The following MCTP2 variants were observed in gnomAD, a reference collection of about 807,000 sequenced individuals.
MCTP2 encodes multiple C2 and transmembrane domain containing 2.
MCTP2 carries 132 observed loss-of-function variants against 111.6 expected under a neutral mutation model. The ratio of observed to expected loss-of-function variants is 1.18; its 90% CI spans 1.03 to 1.37. The LOEUF is 1.37. Ranked by LOEUF, MCTP2 falls within the 40% of genes most tolerant of loss-of-function variation. The pLI is 0.00. For missense variants in MCTP2, 1,183 were observed against 1,067.9 expected (o/e 1.11, Z -1.50); for synonymous variants, 395 against 387.7 (o/e 1.02, Z -0.22).
At chr15:94,287,490 T>C (rs538259069) in intron 1 of MCTP2, among the ~76,000 whole-genome samples, 51 of 152,316 alleles carry the variant, frequency 3.3e-4, no homozygotes, top group African/African-American at 1.2e-3. Context: ...TGTTTATATG[T>C]TTATAATTTT....
intron 4 of MCTP2, among the ~76,000 whole-genome samples, chr15:94,320,433 G>A (rs1011412878): frequency 8.5e-5 from 13 of 152,248 alleles, no homozygotes; most frequent in African/African-American, 1.2e-4. Context: ...GAGCCACTGC[G>A]CCTGGCCCTA....
At chr15:94,432,256 T>C (rs1016208283) in intron 17 of MCTP2, among the ~76,000 whole-genome samples, 2 of 152,166 alleles carry the variant, frequency 1.3e-5, no homozygotes, top group Non-Finnish European at 2.9e-5. Context: ...GGTGTAGGAA[T>C]GGGTAACACA....
chr15:94,355,910 GT>G (rs2078594881), intron 8 of MCTP2: 1 of 1,097,886 alleles, frequency 9.1e-7, no homozygotes, highest in African/African-American at 1.7e-5. Flanking sequence ...AAGTCAAAGT[GT>G]TGCATATACT....
At position 94,298,206 on chromosome 15, in the gene MCTP2, A is replaced by G; in HGVS notation, c.-60A>G. On this transcript the variant is annotated 5_prime_UTR_variant, in exon 2 of 23. Transcript: ENST00000357742. ...TGTTTTTTTCTGTTTTATAGGAGTC[A>G]TTGCAGTTTTCAGTAGAGGTGTACT... The G allele has an allele frequency of 7.9e-7, 1 of 1,262,314 alleles. No individual in the cohort carries two copies. The highest frequency in any genetic ancestry group is 1.1e-6 in the Non-Finnish European group (1 of 929,346). The allele number at this position is 1,262,314 out of a possible 1,614,324, so 78.2% of individuals were successfully genotyped here.
intron 1 of MCTP2, among the ~76,000 whole-genome samples, chr15:94,245,677 T>C (rs981661132): frequency 2.0e-5 from 3 of 146,816 alleles, no homozygotes; most frequent in African/African-American, 7.5e-5. Context: ...TATATACATA[T>C]GTATGTGTAT....
At chr15:94,417,835 A>C (rs1259810229) in intron 17 of MCTP2, among the ~76,000 whole-genome samples, 2 of 152,134 alleles carry the variant, frequency 1.3e-5, no homozygotes, top group African/African-American at 4.8e-5. Context: ...AGCATCACTC[A>C]CTAATCACTA....
chr15:94,243,170 C>T lies in MCTP2; in HGVS notation c.-66+11506C>T, dbSNP rs369169424. 1.9e-3 allele frequency among the ~76,000 whole-genome samples: 244 copies of T among 125,668 alleles called. 10 individuals are homozygous for T. Among genetic ancestry groups the T allele is most frequent in the Middle Eastern group, 5.0e-3 (1 of 202 alleles). The allele number at this position is 125,668 out of a possible 152,430, so 82.4% of individuals were successfully genotyped here. On this transcript the variant is annotated intron_variant, in intron 1 of 22. Coordinates refer to ENST00000357742, the MANE Select transcript of MCTP2 (RefSeq NM_001385001.1). ...TTATATACGTGTGTGTATATACATACGTACGTATGTACGTATGCGTATATA... is the reference window on the plus strand; with the variant it reads ...TTATATACGTGTGTGTATATACATATGTACGTATGTACGTATGCGTATATA...
intron 1 of MCTP2, among the ~76,000 whole-genome samples, chr15:94,258,717 T>C (rs1208814002): frequency 2.6e-5 from 4 of 152,226 alleles, no homozygotes; most frequent in Non-Finnish European, 5.9e-5. Flanking sequence ...CATTACCTGA[T>C]TCTTCTTTCT....
chr15:94,455,760 AGTCAATTAAGGT>A (rs2084794081), intron 19 of MCTP2, among the ~76,000 whole-genome samples: 1 of 152,176 alleles, frequency 6.6e-6, no homozygotes, highest in African/African-American at 2.4e-5. Flanking sequence ...TCTACAGTGG[AGTCAATTAAGGT>A]GTCAATTTAA....
intron 1 of MCTP2, among the ~76,000 whole-genome samples, chr15:94,269,430 A>C (rs988483483): frequency 1.3e-5 from 2 of 152,368 alleles, no homozygotes; most frequent in East Asian, 3.9e-4. Flanking sequence ...TTTTAGACAG[A>C]TAATAGAGTA....
chr15:94,477,412 G>A (rs1470186775), intron 22 of MCTP2, among the ~76,000 whole-genome samples: 1 of 152,178 alleles, frequency 6.6e-6, no homozygotes, highest in Non-Finnish European at 1.5e-5. Context: ...GATACACAGA[G>A]ATTAACGAAG....
chr15:94,300,104 T>A (rs1000684681), intron 2 of MCTP2, among the ~76,000 whole-genome samples: 1 of 151,900 alleles, frequency 6.6e-6, no homozygotes, highest in Non-Finnish European at 1.5e-5. Flanking sequence ...ATCTTCGTCT[T>A]TTTTTTTCCT....
intron 8 of MCTP2, among the ~76,000 whole-genome samples, chr15:94,347,261 G>C (rs1030030925): frequency 1.3e-5 from 2 of 151,664 alleles, no homozygotes; most frequent in Non-Finnish European, 2.9e-5. Flanking sequence ...CCTATTTTTT[G>C]GTATTTTTAA....
At chr15:94,462,254 A>T (rs769353457) in intron 20 of MCTP2, among the ~76,000 whole-genome samples, 8 of 152,208 alleles carry the variant, frequency 5.3e-5, no homozygotes, top group Non-Finnish European at 8.8e-5. Context: ...TTAGAAAACG[A>T]TGTTCTTCCA....
rs1288643645 is a variant in MCTP2 at position 94,298,731 on chromosome 15, G to A, written c.465+1G>A. The A allele has an allele frequency of 2.0e-5, 31 of 1,589,444 alleles. No individual in the cohort carries two copies. Among genetic ancestry groups the A allele is most frequent in the Middle Eastern group, 1.7e-4 (1 of 5,928 alleles). On this transcript the variant is annotated splice_donor_variant, in intron 2 of 22. Coordinates refer to ENST00000357742, the MANE Select transcript of MCTP2 (RefSeq NM_001385001.1). LOFTEE classifies it high-confidence loss of function. ...AGGGGATGCACCAGAAGAGCCAGAG[G>A]TGAGAATAGGGCTGGGCTCTCTTTT...
At chr15:94,325,102 G>A (rs578101794) in intron 4 of MCTP2, among the ~76,000 whole-genome samples, 1 of 152,248 alleles carries the variant, frequency 6.6e-6, no homozygotes, top group South Asian at 2.1e-4. Flanking sequence ...GTGTCATGAT[G>A]TGACGTGCTG....
intron 17 of MCTP2, among the ~76,000 whole-genome samples, chr15:94,422,413 A>G (rs1407740532): frequency 6.6e-6 from 1 of 152,208 alleles, no homozygotes; most frequent in African/African-American, 2.4e-5. Context: ...TCAAACTTCA[A>G]GCTACATTTT....
intron 1 of MCTP2, among the ~76,000 whole-genome samples, chr15:94,297,621 C>T (rs145099827): frequency 2.6e-4 from 40 of 152,272 alleles, no homozygotes; most frequent in African/African-American, 9.6e-4. Flanking sequence ...CAGCAAGCCA[C>T]AGTCTGCTGG....
chr15:94,426,603 G>A (rs1489077565), intron 17 of MCTP2, among the ~76,000 whole-genome samples: 2 of 151,946 alleles, frequency 1.3e-5, no homozygotes, highest in Non-Finnish European at 2.9e-5. Flanking sequence ...TGAACATATG[G>A]ATTATAATTA....
Sources: allele counts gnomAD v4.1 joint callset (sites outside exome capture counted in the v4.1 genomes callset), GRCh38; gene constraint gnomAD v4.1.1; transcripts MANE v1.5; gene names NCBI Gene and HGNC (gene_info 2026-07-23, HGNC 2026-07-21).